Variants in WWOX observed in about 807,000 individuals in gnomAD.
The protein encoded by WWOX is WW domain-containing oxidoreductase.
Under a neutral mutation model 46.2 loss-of-function variants are expected in WWOX, and 69 were observed. That is an observed-to-expected ratio of 1.49 (90% CI 1.23 to 1.82). The LOEUF (loss-of-function observed/expected upper bound fraction) is 1.82. Ranked by LOEUF, WWOX falls within the 40% of genes most tolerant of loss-of-function variation. WWOX has a pLI of 0.00. For synonymous variants in WWOX, 359 were observed against 202.6 expected (o/e 1.77, Z -6.56); for missense variants, 919 against 542.6 (o/e 1.69, Z -6.89).
chr16:78,939,851 T>C (rs2045816800), intron 8 of WWOX, among the ~76,000 whole-genome samples: 1 of 152,220 alleles, frequency 6.6e-6, no homozygotes, highest in South Asian at 2.1e-4. Context: ...CTGGCGATCT[T>C]TTTGGCATAG....
intron 8 of WWOX, among the ~76,000 whole-genome samples, chr16:78,753,825 AAT>A (rs1159243014): frequency 0.061 from 1,309 of 21,358 alleles, 65 homozygotes; most frequent in Middle Eastern, 0.17. Flanking sequence ...AAAAAAAAAA[AAT>A]ATATATATAT....
chr16:78,924,063 C>T (rs1010163122), intron 8 of WWOX, among the ~76,000 whole-genome samples: 13 of 151,986 alleles, frequency 8.6e-5, no homozygotes, highest in African/African-American at 2.9e-4. Context: ...TGATTCCACC[C>T]ACCTTGGCCT....
At chr16:78,905,456 A>C (rs1305137212) in intron 8 of WWOX, among the ~76,000 whole-genome samples, 1 of 152,154 alleles carries the variant, frequency 6.6e-6, no homozygotes, top group Non-Finnish European at 1.5e-5. Context: ...ATCATGGCTT[A>C]CTGCAGACTC....
chr16:78,887,553 A>G (rs1367307277), intron 8 of WWOX, among the ~76,000 whole-genome samples: 1 of 151,532 alleles, frequency 6.6e-6, no homozygotes, highest in African/African-American at 2.4e-5. Flanking sequence ...CACCCTTCCA[A>G]AACACTTGAA....
intron 8 of WWOX, among the ~76,000 whole-genome samples, chr16:78,791,218 C>T (rs182839660): frequency 2.6e-5 from 4 of 151,872 alleles, no homozygotes; most frequent in Non-Finnish European, 4.4e-5. Flanking sequence ...CGGGACAGGG[C>T]GGCCTCATGA....
At chr16:78,229,116 A>G (rs1567442330) in intron 5 of WWOX, among the ~76,000 whole-genome samples, 3 of 152,166 alleles carry the variant, frequency 2.0e-5, no homozygotes, top group Non-Finnish European at 4.4e-5. Flanking sequence ...GCATGTGATC[A>G]TACATCTACC....
chr16:78,796,185 C>A (rs1372917885), intron 8 of WWOX, among the ~76,000 whole-genome samples: 1 of 152,184 alleles, frequency 6.6e-6, no homozygotes, highest in African/African-American at 2.4e-5. Flanking sequence ...CTGTTAACTC[C>A]TAGAACTGTC....
chr16:78,135,617 C>A (rs997915725), intron 4 of WWOX, among the ~76,000 whole-genome samples: 7 of 151,824 alleles, frequency 4.6e-5, no homozygotes, highest in African/African-American at 1.7e-4. Context: ...ATCAGGCTTT[C>A]TTTTCTTTCT....
At chr16:78,551,805 C>G (rs1018575853) in intron 8 of WWOX, 2 of 152,192 alleles carry the variant, frequency 1.3e-5, no homozygotes, top group Non-Finnish European at 2.9e-5. Flanking sequence ...CATGATTGCT[C>G]TTCATTTTAC....
intron 5 of WWOX, among the ~76,000 whole-genome samples, chr16:78,240,314 TAA>T (rs141210179): frequency 2.0e-5 from 3 of 148,444 alleles, no homozygotes; most frequent in African/African-American, 7.4e-5. Context: ...CCCCATCTCT[TAA>T]AAAAAAAATA....
intron 8 of WWOX, among the ~76,000 whole-genome samples, chr16:78,919,398 G>A (rs1401602957): frequency 1.3e-5 from 2 of 152,014 alleles, no homozygotes; most frequent in East Asian, 3.9e-4. Context: ...TGTGTATTTT[G>A]CTCCATGGTC....
chr16:78,861,160 C>T (rs1312442381), intron 8 of WWOX, among the ~76,000 whole-genome samples: 3 of 152,108 alleles, frequency 2.0e-5, no homozygotes, highest in African/African-American at 7.2e-5. Flanking sequence ...CTCCCTCTCT[C>T]TCTTTCTTCC....
intron 8 of WWOX, among the ~76,000 whole-genome samples, chr16:78,845,057 A>C (rs1303184384): frequency 6.6e-6 from 1 of 152,166 alleles, no homozygotes; most frequent in Admixed American, 6.5e-5. Context: ...GACAAATGGA[A>C]AACCTTCATT....
chr16:78,811,537 C>G lies in WWOX; in HGVS notation c.1056+378785C>G, dbSNP rs1294319535. On this transcript the variant is annotated intron_variant, in intron 8 of 8. Coordinates refer to ENST00000566780, the MANE Select transcript of WWOX (RefSeq NM_016373.4). Reference sequence around the variant, plus strand: ...TTCCTTTTTCTCTCTCTCTTTCCCCCTTTTTGTATTTCTAGGAGAAACGGG... The same window carrying G: ...TTCCTTTTTCTCTCTCTCTTTCCCCGTTTTTGTATTTCTAGGAGAAACGGG... 2.0e-5 allele frequency among the ~76,000 whole-genome samples: 3 copies of G among 150,932 alleles called. No individual in the cohort carries two copies. The Admixed American group carries it at 2.0e-4, about 10-fold the overall frequency.
chr16:78,268,943 T>A (rs2079421587), intron 5 of WWOX, among the ~76,000 whole-genome samples: 1 of 152,186 alleles, frequency 6.6e-6, no homozygotes, highest in Non-Finnish European at 1.5e-5. Flanking sequence ...TGATTAGTAT[T>A]TTGTACTTCT....
At chr16:78,249,035 T>A (rs1403143275) in intron 5 of WWOX, among the ~76,000 whole-genome samples, 1 of 152,000 alleles carries the variant, frequency 6.6e-6, no homozygotes, top group Non-Finnish European at 1.5e-5. Flanking sequence ...TTTTTTGTAC[T>A]TTTAGTAGAG....
At chr16:78,382,762 A>C (rs1332483712) in intron 5 of WWOX, among the ~76,000 whole-genome samples, 1 of 152,192 alleles carries the variant, frequency 6.6e-6, no homozygotes, top group Non-Finnish European at 1.5e-5. Flanking sequence ...TGATGGTTAT[A>C]TGAATACATA....
rs80181051 is a variant in WWOX at position 78,871,201 on chromosome 16, C to G, written c.1057-340407C>G. Among the ~76,000 whole-genome samples, 59 of 147,660 alleles carry G rather than the reference C, an allele frequency of 4.0e-4. No homozygotes were observed. The East Asian group carries it at 0.011, about 28-fold the overall frequency. On this transcript the variant is annotated intron_variant, in intron 8 of 8. Transcript: ENST00000566780. Reference sequence around the variant, plus strand: ...TTTTTTTTTTTTTTAATGAGGCAATCAGGGGTAAAAACCCCCGCTGCTGTC... The same window carrying G: ...TTTTTTTTTTTTTTAATGAGGCAATGAGGGGTAAAAACCCCCGCTGCTGTC...
chr16:79,055,041 A>C (rs896457646), intron 8 of WWOX, among the ~76,000 whole-genome samples: 1 of 152,218 alleles, frequency 6.6e-6, no homozygotes, highest in Non-Finnish European at 1.5e-5. Flanking sequence ...TGGAGTTTAT[A>C]TATTTCGTCA....
Sources: gnomAD v4.1 joint callset for allele counts (sites outside exome capture counted in the v4.1 genomes callset) on GRCh38, gnomAD v4.1.1 for gene constraint, MANE v1.5 for transcripts, NCBI Gene and HGNC (gene_info 2026-07-23, HGNC 2026-07-21) for gene names.